TENT4A: variants seen among roughly 807,000 people sequenced by gnomAD.
TENT4A encodes the protein DNA polymerase kappa.
In TENT4A, 7 loss-of-function variants were observed where a neutral mutation model predicts 72.8. The observed-to-expected ratio is 0.10, with a 90% CI of 0.05 to 0.18. The LOEUF (loss-of-function observed/expected upper bound fraction) is 0.18, where lower values mean the gene tolerates loss of function less well. TENT4A is among the 10% of genes least tolerant of loss of function. The pLI is 1.00. For synonymous variants in TENT4A, 456 were observed against 434.3 expected (o/e 1.05, Z -0.62); for missense variants, 831 against 1,017.7 (o/e 0.82, Z 2.50).
intron 7 of TENT4A, 105 bp downstream of exon 7, chr5:6,746,532 C>T (rs534904844): frequency 8.3e-6 from 8 of 960,038 alleles, no homozygotes; most frequent in Admixed American, 4.9e-5. Context: ...AGTTCATTTG[C>T]TCTTGATGCA....
chr5:6,737,746 G>T, intron 2 of TENT4A, 113 bp downstream of exon 2: 1 of 1,213,834 alleles, frequency 8.2e-7, no homozygotes, highest in Non-Finnish European at 1.1e-6. Context: ...GTTGGCCCGA[G>T]GCAGCAGTTC....
At chr5:6,741,852 C>T (rs553662292) in intron 4 of TENT4A, among the ~76,000 whole-genome samples, 2 of 152,218 alleles carry the variant, frequency 1.3e-5, no homozygotes, top group African/African-American at 4.8e-5. Flanking sequence ...CAAAACATTG[C>T]CTTTTCTTCT....
intron 3 of TENT4A, 140 bp from the exon 4 acceptor site, chr5:6,739,592 T>G: frequency 1.1e-6 from 1 of 927,880 alleles, no homozygotes; most frequent in Non-Finnish European, 1.6e-6. Flanking sequence ...TTCACCTCCT[T>G]AGGGGCCATA....
chr5:6,746,491 G>A (rs759963832), intron 7 of TENT4A, 64 bp downstream of exon 7: 13 of 1,491,558 alleles, frequency 8.7e-6, no homozygotes, highest in Non-Finnish European at 1.2e-5. Flanking sequence ...CTGGTGACAG[G>A]GCCTGTGTTG....
intron 1 of TENT4A, among the ~76,000 whole-genome samples, chr5:6,724,912 C>T (rs1740834003): frequency 6.6e-6 from 1 of 152,218 alleles, no homozygotes; most frequent in South Asian, 2.1e-4. Context: ...TGGGGTCACA[C>T]AGCTGGTAGG....
intron 6 of TENT4A, among the ~76,000 whole-genome samples, chr5:6,744,946 C>T (rs908012144): frequency 6.6e-6 from 1 of 152,210 alleles, no homozygotes; most frequent in Non-Finnish European, 1.5e-5. Flanking sequence ...CCAGGGCCTC[C>T]TCCACCCCCT....
chr5:6,748,957 T>A (rs1742250927), intron 8 of TENT4A, among the ~76,000 whole-genome samples: 1 of 152,166 alleles, frequency 6.6e-6, no homozygotes, highest in Admixed American at 6.5e-5. Flanking sequence ...AGTATTTACT[T>A]CTCACCCAGA....
At chr5:6,730,835 A>C (rs1741175850) in intron 1 of TENT4A, among the ~76,000 whole-genome samples, 1 of 152,024 alleles carries the variant, frequency 6.6e-6, no homozygotes, top group African/African-American at 2.4e-5. Context: ...CTTGTAACAT[A>C]ATCAAAAATA....
chr5:6,737,002 G>T (rs943126974), intron 1 of TENT4A, among the ~76,000 whole-genome samples: 1 of 152,224 alleles, frequency 6.6e-6, no homozygotes, highest in East Asian at 1.9e-4. Flanking sequence ...GGGCCGCGGG[G>T]CCCCTGAGGA....
chr5:6,752,216 A>T (rs1346790400), intron 11 of TENT4A, among the ~76,000 whole-genome samples: 3 of 152,238 alleles, frequency 2.0e-5, no homozygotes, highest in Non-Finnish European at 4.4e-5. Context: ...GCTGAGCTAC[A>T]GAGCCACACT....
chr5:6,716,384 G>C (rs1006342015), intron 1 of TENT4A, among the ~76,000 whole-genome samples: 10 of 152,148 alleles, frequency 6.6e-5, no homozygotes, highest in African/African-American at 2.4e-4. Context: ...CCCCTCTCAC[G>C]CTCTTCGTCA....
chr5:6,715,486 G>A (rs1740325807), intron 1 of TENT4A, among the ~76,000 whole-genome samples: 1 of 152,158 alleles, frequency 6.6e-6, no homozygotes, highest in Non-Finnish European at 1.5e-5. Flanking sequence ...CAGCCCCTTT[G>A]CCATTTTGGG....
chr5:6,740,708 G>A (rs571906819), intron 4 of TENT4A, among the ~76,000 whole-genome samples: 19 of 152,238 alleles, frequency 1.2e-4, no homozygotes, highest in Non-Finnish European at 2.5e-4. Context: ...TTAACGAAGT[G>A]CACATGCTCA....
chr5:6,730,171 G>C (rs1461563378), intron 1 of TENT4A, among the ~76,000 whole-genome samples: 1 of 152,022 alleles, frequency 6.6e-6, no homozygotes, highest in Non-Finnish European at 1.5e-5. Context: ...GCTTTACTAG[G>C]GTGAAAGTGT....
At chr5:6,754,002 G>A (rs184503853) in intron 12 of TENT4A, among the ~76,000 whole-genome samples, 235 of 152,286 alleles carry the variant, frequency 1.5e-3, no homozygotes, top group African/African-American at 5.5e-3. Context: ...CTGCTTGGCC[G>A]CGACTTTGCA....
intron 1 of TENT4A, among the ~76,000 whole-genome samples, chr5:6,715,782 G>C (rs1185334397): frequency 6.6e-6 from 1 of 152,130 alleles, no homozygotes; most frequent in African/African-American, 2.4e-5. Context: ...CACTGTAATA[G>C]CTGCATGTTC....
chr5:6,723,975 ATC>A (rs1740781133), intron 1 of TENT4A, among the ~76,000 whole-genome samples: 2 of 152,240 alleles, frequency 1.3e-5, no homozygotes, highest in South Asian at 4.1e-4. Context: ...TCGCTGTTTC[ATC>A]TGACGGCAGT....
At chr5:6,743,685 T>G in intron 5 of TENT4A, 27 bp from the exon 6 acceptor site, 1 of 1,554,582 alleles carries the variant, frequency 6.4e-7, no homozygotes, top group Non-Finnish European at 8.8e-7. Context: ...AATTACTCAG[T>G]AAATCTTTTT....
intron 1 of TENT4A, among the ~76,000 whole-genome samples, chr5:6,736,128 T>G (rs912523951): frequency 5.9e-5 from 9 of 152,248 alleles, no homozygotes; most frequent in African/African-American, 2.2e-4. Flanking sequence ...TTGCAGGTGC[T>G]TCATGAGCAA....
Sources: allele counts gnomAD v4.1 joint callset (sites outside exome capture counted in the v4.1 genomes callset), GRCh38; gene constraint gnomAD v4.1.1; transcripts MANE v1.5; gene names NCBI Gene and HGNC (gene_info 2026-07-23, HGNC 2026-07-21).